CPED1: variants seen among roughly 807,000 people sequenced by gnomAD.
CPED1 encodes cadherin-like and PC-esterase domain-containing protein 1.
A neutral mutation model predicts 128.2 loss-of-function variants in CPED1; 114 were observed. The ratio of observed to expected loss-of-function variants is 0.89; its 90% CI spans 0.76 to 1.04. CPED1 has a LOEUF of 1.04. Ranked by LOEUF, CPED1 falls within the 50% of genes least tolerant of loss-of-function variation. The pLI is 0.00. For missense variants in CPED1, 1,211 were observed against 1,207.1 expected, an observed-to-expected ratio of 1.00 and a Z score of -0.05; for synonymous variants, 462 against 426.7, an observed-to-expected ratio of 1.08 and a Z score of -1.02.
At chr7:121,138,090 C>A (rs1011267649) in intron 14 of CPED1, among the ~76,000 whole-genome samples, 3 of 152,008 alleles carry the variant, frequency 2.0e-5, no homozygotes, top group Admixed American at 1.3e-4. Flanking sequence ...AATCTTCCTG[C>A]TTTTATGGTA....
At chr7:121,045,246 C>T (rs529655039) in intron 3 of CPED1, among the ~76,000 whole-genome samples, 2 of 152,292 alleles carry the variant, frequency 1.3e-5, no homozygotes, top group South Asian at 4.1e-4. Context: ...AAATCAACTG[C>T]TGCACCTCTC....
intron 14 of CPED1, among the ~76,000 whole-genome samples, chr7:121,137,968 C>T (rs1249316189): frequency 6.6e-6 from 1 of 151,788 alleles, no homozygotes; most frequent in Non-Finnish European, 1.5e-5. Context: ...ACTTTTTTTT[C>T]CAGTTCCCAT....
At chr7:121,205,714 A>G (rs181723297) in intron 16 of CPED1, among the ~76,000 whole-genome samples, 1 of 151,978 alleles carries the variant, frequency 6.6e-6, no homozygotes, top group African/African-American at 2.4e-5. Flanking sequence ...ACAAGGTTTG[A>G]GCTAACATTT....
chr7:121,171,098 A>C (rs1270228653), intron 16 of CPED1, among the ~76,000 whole-genome samples: 1 of 152,020 alleles, frequency 6.6e-6, no homozygotes, highest in African/African-American at 2.4e-5. Flanking sequence ...GGAGATCTTC[A>C]TGTCTCTTAG....
chr7:121,019,795 TG>T (rs1792390393), intron 3 of CPED1, among the ~76,000 whole-genome samples: 1 of 151,952 alleles, frequency 6.6e-6, no homozygotes, highest in Admixed American at 6.6e-5. Flanking sequence ...CCTGCATTTG[TG>T]AGAACATATA....
In CPED1 at chr7:121,253,458, A is replaced by G. The variant is rs1015361680; in HGVS notation, c.2310+9120A>G. ...GCACATGTACCCTAAAACTTAAAGT[A>G]TAATAATAATAAAATAAAAAAAAGG... is the stretch of plus-strand genomic sequence containing the variant. On this transcript the variant is annotated intron_variant, in intron 18 of 22. Transcript: ENST00000310396. 2.7e-5 allele frequency among the ~76,000 whole-genome samples: 4 copies of G among 150,296 alleles called. No homozygotes were observed. In the East Asian group the frequency reaches 5.8e-4, roughly 22 times the overall value.
intron 12 of CPED1, among the ~76,000 whole-genome samples, chr7:121,132,335 A>G (rs1358567127): frequency 1.3e-5 from 2 of 152,060 alleles, no homozygotes; most frequent in Non-Finnish European, 2.9e-5. Context: ...GATCCAGTAC[A>G]TCACGCAGAC....
chr7:121,113,947 G>A (rs1039360146), intron 7 of CPED1, among the ~76,000 whole-genome samples: 2 of 151,998 alleles, frequency 1.3e-5, no homozygotes, highest in African/African-American at 4.8e-5. Context: ...TCTTGCCTCA[G>A]CCTCCTGAGT....
intron 4 of CPED1, among the ~76,000 whole-genome samples, chr7:121,057,187 T>C (rs999791242): frequency 5.3e-5 from 8 of 152,064 alleles, no homozygotes; most frequent in African/African-American, 1.9e-4. Context: ...ATCATCTTGG[T>C]CAGGCTGTTC....
At chr7:121,110,609 T>G (rs1795086027) in intron 7 of CPED1, among the ~76,000 whole-genome samples, 1 of 152,148 alleles carries the variant, frequency 6.6e-6, no homozygotes, top group South Asian at 2.1e-4. Context: ...AACCACTGAC[T>G]GTGTAACATG....
intron 7 of CPED1, among the ~76,000 whole-genome samples, chr7:121,116,224 G>A (rs921890227): frequency 2.6e-5 from 4 of 152,198 alleles, no homozygotes; most frequent in East Asian, 1.9e-4. Context: ...TAAGAAGTAC[G>A]AATGAGTAAA....
At chr7:121,151,601 T>C in intron 16 of CPED1, among the ~76,000 whole-genome samples, 1 of 152,222 alleles carries the variant, frequency 6.6e-6, no homozygotes, top group East Asian at 1.9e-4. Flanking sequence ...AATCTAATAT[T>C]TGCCTTAGAA....
intron 8 of CPED1, among the ~76,000 whole-genome samples, chr7:121,125,495 G>A (rs527419629): frequency 6.6e-6 from 1 of 152,030 alleles, no homozygotes; most frequent in South Asian, 2.1e-4. Flanking sequence ...AGTGTGTGAT[G>A]TTCCCCTCCC....
Position 121,140,984 on chromosome 7 carries a change from G to A in CPED1, c.1857G>A (p.Lys619=). The change falls in exon 15 of 23, where the codon AAG becomes AAA. Residue 619 remains lysine, a synonymous_variant. Transcript: ENST00000310396. ...IGVETPKCLC[K]VHLYEQAGPS... is the part of the protein sequence containing the mutation. ...TGGAAACTCCTAAGTGTCTGTGCAAGGTGCACCTGTACGAGCAGGCAGGGC... is the reference window on the plus strand; with the variant it reads ...TGGAAACTCCTAAGTGTCTGTGCAAAGTGCACCTGTACGAGCAGGCAGGGC... The A allele has an allele frequency of 1.2e-6, 2 of 1,611,660 alleles. No individual in the cohort carries two copies. Among genetic ancestry groups the A allele is most frequent in the Non-Finnish European group, 1.7e-6 (2 of 1,178,904 alleles).
chr7:121,267,260 T>C lies in CPED1; in HGVS notation c.2679T>C (p.Ile893=), dbSNP rs1215284654. The change falls in exon 21 of 23, where the codon ATT becomes ATC. Residue 893 remains isoleucine, a synonymous_variant. Transcript: ENST00000310396. ...NILVIIKTLG[I]GFHLPVDGVH... is the part of the protein sequence containing the mutation. Reference sequence around the variant, plus strand: ...TAGTGATCATCAAAACTTTGGGAATTGGATTTCATCTGCCAGTGGATGGAG... The same window carrying C: ...TAGTGATCATCAAAACTTTGGGAATCGGATTTCATCTGCCAGTGGATGGAG... 3.7e-6 allele frequency: 6 copies of C among 1,603,636 alleles called. No individual in the cohort carries two copies. Among genetic ancestry groups the C allele is most frequent in the Non-Finnish European group, 5.1e-6 (6 of 1,173,076 alleles).
At chr7:121,166,634 A>C (rs1478710671) in intron 16 of CPED1, among the ~76,000 whole-genome samples, 1 of 152,150 alleles carries the variant, frequency 6.6e-6, no homozygotes, top group Non-Finnish European at 1.5e-5. Context: ...GCCAGTTCCC[A>C]AAGGATATTT....
At chr7:121,252,022 A>G (rs1798684145) in intron 18 of CPED1, among the ~76,000 whole-genome samples, 1 of 151,654 alleles carries the variant, frequency 6.6e-6, no homozygotes, top group Non-Finnish European at 1.5e-5. Context: ...CCTAAGCCAA[A>G]AGAACAAAGC....
chr7:121,129,514 C>A (rs1011295901), intron 11 of CPED1, among the ~76,000 whole-genome samples: 1 of 151,064 alleles, frequency 6.6e-6, no homozygotes, highest in African/African-American at 2.4e-5. Flanking sequence ...CTATTTTAAA[C>A]GTATAAGTAT....
chr7:121,294,507 T>C (rs894226532), intron 22 of CPED1, among the ~76,000 whole-genome samples: 3 of 152,196 alleles, frequency 2.0e-5, no homozygotes, highest in South Asian at 2.1e-4. Context: ...TACAAACAGA[T>C]GCCATGTCTG....
Sources: gnomAD v4.1 joint callset for allele counts (sites outside exome capture counted in the v4.1 genomes callset) on GRCh38, gnomAD v4.1.1 for gene constraint, MANE v1.5 for transcripts, NCBI Gene and HGNC (gene_info 2026-07-23, HGNC 2026-07-21) for gene names.